The following YBX2 variants were observed in gnomAD, a reference collection of about 807,000 sequenced individuals.
YBX2 encodes the protein Y-box binding protein 2, also known as Y-box-binding protein 2.
In YBX2, 5 loss-of-function variants were observed where a neutral mutation model predicts 44.4. That is an observed-to-expected ratio of 0.11 (90% CI 0.06 to 0.24). The LOEUF is 0.24. YBX2 is among the 10% of genes least tolerant of loss of function. The probability of loss-of-function intolerance (pLI) is 1.00; values close to 1 mark genes in which losing one functional copy is unlikely to be tolerated. For missense variants in YBX2, 417 were observed against 526.9 expected (o/e 0.79, Z 2.04); for synonymous variants, 188 against 216.1 (o/e 0.87, Z 1.14).
At chr17:7,293,873 T>C in intron 1 of YBX2, 1 of 521,934 alleles carries the variant, frequency 1.9e-6, no homozygotes, top group South Asian at 2.3e-5. Context: ...AGGGTTTTTC[T>C]AGCCCTCCCA....
chr17:7,290,927 T>A (rs2072497236), intron 4 of YBX2, among the ~76,000 whole-genome samples, 166 bp downstream of exon 4: 2 of 152,074 alleles, frequency 1.3e-5, no homozygotes, highest in African/African-American at 4.8e-5. Flanking sequence ...ACTTAGGACA[T>A]CCCTTAGCCC....
rs1466345756 is a variant in YBX2 at position 7,294,370 on chromosome 17, C to G, written c.131G>C (p.Gly44Ala). The change falls in exon 1 of 9, where the codon GGC (glycine) becomes GCC (alanine). Residue 44 changes from glycine to alanine, a missense_variant. Around this residue, in one of 3 missense-constraint regions of YBX2, gnomAD observed 121 missense variants for 141.3 expected, o/e 0.86. Transcript: ENST00000007699. This position sits in a 1 kb window ranked among gnomAD's most constrained non-coding sequence, Gnocchi z 4.6. ...GCCCGAGGCGGCTCCGCCCCCGCCG[C>G]CCGCCCCGCCGCCTTTCTGCGGCTC... The part of the protein sequence containing the change: ...AGEPQKGGGA[G>A]GGGGAASGPA... 5 of 1,403,250 alleles carry G rather than the reference C, an allele frequency of 3.6e-6. No homozygotes were observed. The highest frequency in any genetic ancestry group is 4.6e-6 in the Non-Finnish European group (5 of 1,078,028). The allele number at this position is 1,403,250 out of a possible 1,614,324, so 86.9% of individuals were successfully genotyped here.
rs2072499809 is a variant in YBX2 at position 7,291,270 on chromosome 17, T to A, written c.370-88A>T. On this transcript the variant is annotated intron_variant, in intron 3 of 8. Coordinates refer to ENST00000007699, the MANE Select transcript of YBX2 (RefSeq NM_015982.4). This position sits in a 1 kb window ranked among gnomAD's most constrained non-coding sequence, Gnocchi z 5.8. ...CTGGGGCCACCACCCAATTTCATTC[T>A]TTCAACATTTGACTTGGGGTCTAGA... 2 of 1,322,126 alleles carry A rather than the reference T, an allele frequency of 1.5e-6. No homozygotes were observed. The highest frequency in any genetic ancestry group is 2.4e-5 in the South Asian group (2 of 83,008). 81.9% of individuals were successfully genotyped at this position (1,322,126 alleles called of 1,614,324 possible).
In YBX2 at chr17:7,292,016, T is replaced by G. The variant is rs372243217; in HGVS notation, c.369+10A>C. 14 of 1,614,030 alleles carry G rather than the reference T, an allele frequency of 8.7e-6. No homozygotes were observed. Among genetic ancestry groups the G allele is most frequent in the Non-Finnish European group, 1.2e-5 (14 of 1,180,014 alleles). On this transcript the variant is annotated intron_variant, in intron 3 of 8. Coordinates refer to ENST00000007699, the MANE Select transcript of YBX2 (RefSeq NM_015982.4). ...GGTTCTTCCCCTCAGAAAGCTAACCTAGCTCTTACCTGGTGAACAAAGACA... is the reference window on the plus strand; with the variant it reads ...GGTTCTTCCCCTCAGAAAGCTAACCGAGCTCTTACCTGGTGAACAAAGACA...
At position 7,288,850 on chromosome 17, in the gene YBX2, C is replaced by T. The variant is rs368284362; in HGVS notation, c.1045-12G>A. 1.7e-5 allele frequency: 28 copies of T among 1,613,534 alleles called. No homozygotes were observed. In the Middle Eastern group the frequency reaches 6.6e-4, roughly 38 times the overall value. ...ACAGGGGCTGAGGTCTAAAGAACAG[C>T]GGTGGCCAATTGAGACTTGTTCTTT... On this transcript the variant is annotated splice_polypyrimidine_tract_variant and intron_variant, in intron 7 of 8. Coordinates refer to ENST00000007699, the MANE Select transcript of YBX2 (RefSeq NM_015982.4).
chr17:7,288,561 G>T lies in YBX2; in HGVS notation c.*122C>A. The T allele has an allele frequency of 1.9e-6, 1 of 538,704 alleles. No homozygotes were observed. Among genetic ancestry groups the T allele is most frequent in the South Asian group, 2.1e-5 (1 of 47,312 alleles). 33.4% of individuals were successfully genotyped at this position (538,704 alleles called of 1,614,324 possible). A position where few individuals can be genotyped will look rare whatever the true frequency, so the allele number is the denominator to read the frequency against. Reference sequence around the variant, plus strand: ...AGTCTCAAGGAAAAGGTGAAAAGCTGGTGTTTTGATGTCATGAATTATGGG... The same window carrying T: ...AGTCTCAAGGAAAAGGTGAAAAGCTTGTGTTTTGATGTCATGAATTATGGG... On this transcript the variant is annotated 3_prime_UTR_variant, in exon 9 of 9. Transcript: ENST00000007699.
At position 7,291,609 on chromosome 17, in the gene YBX2, C is replaced by T. The variant is rs2072502140; in HGVS notation, c.369+417G>A. 6 of 378,222 alleles carry T rather than the reference C, an allele frequency of 1.6e-5. No individual in the cohort carries two copies. Among genetic ancestry groups the T allele is most frequent in the South Asian group, 9.3e-5 (4 of 42,912 alleles). 23.4% of individuals were successfully genotyped at this position (378,222 alleles called of 1,614,324 possible). On this transcript the variant is annotated intron_variant, in intron 3 of 8. Coordinates refer to ENST00000007699, the MANE Select transcript of YBX2 (RefSeq NM_015982.4). This position sits in a 1 kb window ranked among gnomAD's most constrained non-coding sequence, Gnocchi z 5.8. The stretch of plus-strand genomic sequence containing the variant: ...GTGCATCAGAATCACCTGGAGAGCT[C>T]GTTAAACCGATTGTGGAGCCCCAGC...
chr17:7,288,696 C>T (rs2072473076), intron 8 of YBX2, 53 bp from the exon 9 acceptor site: 1 of 1,469,890 alleles, frequency 6.8e-7, no homozygotes, highest in Non-Finnish European at 9.5e-7. Context: ...CTTGTCATCG[C>T]CACCCAGTAC....
intron 2 of YBX2, 130 bp downstream of exon 2, chr17:7,293,345 T>C: frequency 6.5e-7 from 1 of 1,527,986 alleles, no homozygotes. Context: ...GTTAAAGGCT[T>C]TCAACCAGCA....
rs2072520866 is a variant in YBX2 at position 7,294,053 on chromosome 17, G to A, written c.271+177C>T. 1 of 710,564 alleles carries A rather than the reference G, an allele frequency of 1.4e-6. No homozygotes were observed. Among genetic ancestry groups the A allele is most frequent in the Non-Finnish European group, 2.0e-6 (1 of 509,134 alleles). The allele number at this position is 710,564 out of a possible 1,614,324, so 44.0% of individuals were successfully genotyped here. On this transcript the variant is annotated intron_variant, in intron 1 of 8. Transcript: ENST00000007699. This position sits in a 1 kb window ranked among gnomAD's most constrained non-coding sequence, Gnocchi z 4.6. ...CGGCCCCGCCCTCTCTCCCAGGAAG[G>A]TACGGCAGGATTTCCCACCAGGGGA...
chr17:7,288,363 G>T lies in YBX2; in HGVS notation c.*320C>A, dbSNP rs1376946222. 1 of 175,230 alleles carries T rather than the reference G, an allele frequency of 5.7e-6. No individual in the cohort carries two copies. The highest frequency in any genetic ancestry group is 1.6e-4 in the East Asian group (1 of 6,154). The allele number at this position is 175,230 out of a possible 1,614,324, so 10.9% of individuals were successfully genotyped here. On this transcript the variant is annotated 3_prime_UTR_variant, in exon 9 of 9. Coordinates refer to ENST00000007699, the MANE Select transcript of YBX2 (RefSeq NM_015982.4). Reference sequence around the variant, plus strand: ...GGGAAAACAAAAATAAACTTGGGGTGGGGGCAAGAAAAGCAACCAGGAGGA... The same window carrying T: ...GGGAAAACAAAAATAAACTTGGGGTTGGGGCAAGAAAAGCAACCAGGAGGA...
rs765860202 is a variant in YBX2 at position 7,291,500 on chromosome 17, G to T, written c.370-318C>A. On this transcript the variant is annotated intron_variant, in intron 3 of 8. Transcript: ENST00000007699. This position sits in a 1 kb window ranked among gnomAD's most constrained non-coding sequence, Gnocchi z 5.8. Reference sequence around the variant, plus strand: ...CAAAAGGCAGGGACAGCCTTCAGTCGCAAAGTGGGTAGAATGCACTGTGCT... The same window carrying T: ...CAAAAGGCAGGGACAGCCTTCAGTCTCAAAGTGGGTAGAATGCACTGTGCT... 2 of 435,690 alleles carry T rather than the reference G, an allele frequency of 4.6e-6. No homozygotes were observed. Among genetic ancestry groups the T allele is most frequent in the Non-Finnish European group, 8.5e-6 (2 of 233,982 alleles). The allele number at this position is 435,690 out of a possible 1,614,324, so 27.0% of individuals were successfully genotyped here.
chr17:7,293,916 G>T, intron 1 of YBX2: 1 of 515,002 alleles, frequency 1.9e-6, no homozygotes, highest in Non-Finnish European at 3.4e-6. Context: ...TGCTTGCCAG[G>T]CTCAGAGGTT....
Position 7,294,248 on chromosome 17 carries a change from C to T in YBX2, c.253G>A (p.Ala85Thr). ...GTPAPPARSQ[A>T]DKPVLAIQVL... ...CCCTCACCCAGCACCGGCTTGTCCG[C>T]CTGACTCCGGGCCGGGGGGGCGGGG... Residue 85 changes from alanine to threonine, a missense_variant, in exon 1 of 9, where the codon GCG becomes ACG. By Grantham distance (58) the Ala-to-Thr change is moderately conservative (BLOSUM62 0). Transcript: ENST00000007699. This position sits in a 1 kb window ranked among gnomAD's most constrained non-coding sequence, Gnocchi z 4.6. 1 of 1,274,914 alleles carries T rather than the reference C, an allele frequency of 7.8e-7. No individual in the cohort carries two copies. The highest frequency in any genetic ancestry group is 9.8e-7 in the Non-Finnish European group (1 of 1,017,210). 79.0% of individuals were successfully genotyped at this position (1,274,914 alleles called of 1,614,324 possible).
chr17:7,288,872 C>G, intron 7 of YBX2, 34 bp from the exon 8 acceptor site: 1 of 1,612,844 alleles, frequency 6.2e-7, no homozygotes, highest in Non-Finnish European at 8.5e-7. Flanking sequence ...GAGACTTGTT[C>G]TTTTTGTTTT....
At chr17:7,293,283 T>G in intron 2 of YBX2, 192 bp downstream of exon 2, 1 of 966,506 alleles carries the variant, frequency 1.0e-6, no homozygotes, top group Admixed American at 2.2e-5. Context: ...CCGCTACCCT[T>G]GAAGATGCGG....
At position 7,294,263 on chromosome 17, in the gene YBX2, G is replaced by A; in HGVS notation, c.238C>T (p.Pro80Ser). 1 of 1,274,120 alleles carries A rather than the reference G, an allele frequency of 7.8e-7. No homozygotes were observed. The highest frequency in any genetic ancestry group is 9.8e-7 in the Non-Finnish European group (1 of 1,016,702). 78.9% of individuals were successfully genotyped at this position (1,274,120 alleles called of 1,614,324 possible). A position where few individuals can be genotyped will look rare whatever the true frequency, so the allele number is the denominator to read the frequency against. Reference sequence around the variant, plus strand: ...GGCTTGTCCGCCTGACTCCGGGCCGGGGGGGCGGGGGTTCCCGAGACCGCC... The same window carrying A: ...GGCTTGTCCGCCTGACTCCGGGCCGAGGGGGCGGGGGTTCCCGAGACCGCC... Reference protein sequence around the residue: ...ATAVSGTPAPPARSQADKPVL... With the variant: ...ATAVSGTPAPSARSQADKPVL... The change falls in exon 1 of 9, where the codon CCG (proline) becomes TCG (serine). Residue 80 changes from proline (P) to serine (S), a missense_variant. Pro to Ser is a moderately conservative substitution (Grantham distance 74, BLOSUM62 -1). Coordinates refer to ENST00000007699, the MANE Select transcript of YBX2 (RefSeq NM_015982.4). This position sits in a 1 kb window ranked among gnomAD's most constrained non-coding sequence, Gnocchi z 4.6.
At chr17:7,290,685 A>G in intron 4 of YBX2, 150 bp from the exon 5 acceptor site, 1 of 957,142 alleles carries the variant, frequency 1.0e-6, no homozygotes, top group African/African-American at 1.6e-5. Context: ...GAGGCAGTGG[A>G]ATGTGCTTGC....
intron 2 of YBX2, chr17:7,292,399 T>A: frequency 5.8e-6 from 2 of 341,908 alleles, no homozygotes; most frequent in South Asian, 3.2e-5. Flanking sequence ...CAGCGCTGGG[T>A]GCAACTGTCC....
Sources: gnomAD v4.1 joint callset for allele counts (sites outside exome capture counted in the v4.1 genomes callset) on GRCh38, gnomAD v4.1.1 for gene constraint, gnomAD v4.1.1 regional missense constraint, Gnocchi (gnomAD v3.1) non-coding constraint, MANE v1.5 for transcripts, NCBI Gene and HGNC (gene_info 2026-07-23, HGNC 2026-07-21) for gene names.